The following DGKG variants were observed in gnomAD, a reference collection of about 807,000 sequenced individuals.
DGKG encodes the protein DAG kinase gamma.
In DGKG, 78 loss-of-function variants were observed where a neutral mutation model predicts 105.3. That is an observed-to-expected ratio of 0.74 (90% CI 0.62 to 0.89). DGKG has a LOEUF of 0.89. Among genes scored for constraint, DGKG ranks in the 40% least tolerant of loss-of-function variants. The pLI is 0.00. For missense variants in DGKG, 958 were observed against 1,020.1 expected (o/e 0.94, Z 0.83); for synonymous variants, 346 against 367.1 (o/e 0.94, Z 0.66).
chr3:186,163,894 A>C (rs1716414855), intron 23 of DGKG, among the ~76,000 whole-genome samples: 1 of 152,196 alleles, frequency 6.6e-6, no homozygotes, highest in Non-Finnish European at 1.5e-5. Flanking sequence ...CAGGGACCCC[A>C]TCATGACAAC....
chr3:186,179,756 C>G (rs1717268329), intron 22 of DGKG, among the ~76,000 whole-genome samples: 1 of 152,200 alleles, frequency 6.6e-6, no homozygotes, highest in Admixed American at 6.5e-5. Context: ...CAGCTACTTT[C>G]TGATGTAGAG....
At chr3:186,183,864 C>T (rs1292897015) in intron 22 of DGKG, among the ~76,000 whole-genome samples, 1 of 152,122 alleles carries the variant, frequency 6.6e-6, no homozygotes, top group Non-Finnish European at 1.5e-5. Context: ...GCCACCACAC[C>T]CGGCTAATTT....
In DGKG at chr3:186,298,068, G is replaced by A. The variant is rs763529501; in HGVS notation, c.306C>T (p.Ser102=). The A allele has an allele frequency of 2.4e-5, 38 of 1,608,236 alleles. No homozygotes were observed. The highest frequency in any genetic ancestry group is 1.9e-4 in the South Asian group (17 of 89,832). Residue 102 remains serine (S), a synonymous_variant, in exon 4 of 25, where the codon AGC becomes AGT. Transcript: ENST00000265022. ...TEGASNSEAN[S]ADTNIQNADN... ...CTTGGGGAAAGCTCTGTGTACCTGC[G>A]CTGTTGGCCTCACTGTTGCTGGCTC...
chr3:186,256,670 C>G (rs545837323), intron 17 of DGKG, among the ~76,000 whole-genome samples: 45 of 152,376 alleles, frequency 3.0e-4, no homozygotes, highest in Non-Finnish European at 6.0e-4. Flanking sequence ...CTCGTCACCT[C>G]TGCTTCATCC....
chr3:186,269,534 G>C (rs2108582881), intron 11 of DGKG, among the ~76,000 whole-genome samples: 1 of 152,308 alleles, frequency 6.6e-6, no homozygotes, highest in South Asian at 2.1e-4. Flanking sequence ...TCCTTCCTCA[G>C]CTTTAGCTGC....
chr3:186,277,715 T>C (rs1386797562), intron 9 of DGKG, among the ~76,000 whole-genome samples: 3 of 152,194 alleles, frequency 2.0e-5, no homozygotes, highest in Admixed American at 6.5e-5. Context: ...AGCACCATCA[T>C]GTGGCTCTTT....
chr3:186,327,824 C>G (rs1725422358), intron 1 of DGKG, among the ~76,000 whole-genome samples: 1 of 152,142 alleles, frequency 6.6e-6, no homozygotes, highest in African/African-American at 2.4e-5. Flanking sequence ...AGAGATCTTT[C>G]TCATTTAGAA....
intron 15 of DGKG, among the ~76,000 whole-genome samples, chr3:186,260,990 G>C (rs528850135): frequency 3.3e-5 from 5 of 152,186 alleles, no homozygotes; most frequent in East Asian, 1.9e-4. Context: ...GTTGGGCTGT[G>C]GGGGAGGGAG....
chr3:186,314,525 C>A (rs937596387), intron 2 of DGKG, among the ~76,000 whole-genome samples: 37 of 152,128 alleles, frequency 2.4e-4, no homozygotes, highest in African/African-American at 8.7e-4. Flanking sequence ...GAGGTCGAGG[C>A]GGGTGGATCA....
chr3:186,286,720 A>G lies in DGKG; in HGVS notation c.544+1990T>C, dbSNP rs115658800. ...AAAAGCAAACCAAAATGAAAACTCT[A>G]TATGACCAAGTTTCTGTAACAAAAA... On this transcript the variant is annotated intron_variant, in intron 6 of 24. Transcript: ENST00000265022. 2.6e-3 allele frequency among the ~76,000 whole-genome samples: 391 copies of G among 152,254 alleles called. 2 individuals are homozygous for G. The highest frequency in any genetic ancestry group is 9.0e-3 in the African/African-American group (374 of 41,556).
At chr3:186,256,039 C>T (rs1721452545) in intron 17 of DGKG, among the ~76,000 whole-genome samples, 1 of 152,210 alleles carries the variant, frequency 6.6e-6, no homozygotes, top group Non-Finnish European at 1.5e-5. Flanking sequence ...CCAAAGCCTA[C>T]TTCTCCCTCA....
intron 2 of DGKG, among the ~76,000 whole-genome samples, chr3:186,308,421 T>A (rs1277876252): frequency 6.6e-6 from 1 of 152,194 alleles, no homozygotes; most frequent in African/African-American, 2.4e-5. Flanking sequence ...CCATTATTGT[T>A]GCTATTTAAA....
At chr3:186,348,806 A>G (rs1443890563) in intron 1 of DGKG, among the ~76,000 whole-genome samples, 1 of 152,110 alleles carries the variant, frequency 6.6e-6, no homozygotes, top group Admixed American at 6.6e-5. Flanking sequence ...TATTTCTGAT[A>G]TTTAGTGTTG....
chr3:186,332,070 G>A (rs1042985744), intron 1 of DGKG, among the ~76,000 whole-genome samples: 15 of 152,260 alleles, frequency 9.9e-5, no homozygotes, highest in Admixed American at 7.2e-4. Flanking sequence ...TAAGTGTTGA[G>A]CCTGTGCAGG....
rs543563463 is a variant in DGKG at position 186,245,020 on chromosome 3, A to AG, written c.1762-2453dup. Among the ~76,000 whole-genome samples the AG allele has an allele frequency of 1.5e-4, 22 of 150,700 alleles. No homozygotes were observed. In the East Asian group the frequency reaches 3.7e-3, roughly 25 times the overall value. On this transcript the variant is annotated intron_variant, in intron 19 of 24. Transcript: ENST00000265022. ...AATTTTCGTCTGTCAGGAAAAAAAA[A>AG]GTGGAGGGGGGCGGGGAAGAAAAAA...
chr3:186,177,442 C>G (rs116200309), intron 22 of DGKG, among the ~76,000 whole-genome samples: 2,223 of 152,294 alleles, frequency 0.015, 60 homozygotes, highest in African/African-American at 0.052. Flanking sequence ...CACCTACTAG[C>G]TGCATTGCAT....
intron 1 of DGKG, among the ~76,000 whole-genome samples, chr3:186,342,231 T>TA (rs1726124575): frequency 6.6e-6 from 1 of 152,204 alleles, no homozygotes; most frequent in South Asian, 2.1e-4. Flanking sequence ...ATTGATTTGT[T>TA]ACGGAAATTC....
chr3:186,302,503 T>TATATAC (rs1560143632), intron 3 of DGKG, among the ~76,000 whole-genome samples: 1 of 8,858 alleles, frequency 1.1e-4, no homozygotes, highest in Non-Finnish European at 2.3e-4. Context: ...TATATATATA[T>TATATAC]ATACATATGT....
rs190159462 is a variant in DGKG at position 186,185,072 on chromosome 3, G to C, written c.2095+3130C>G. ...TACAGAAAACTGAGACCCAAGAAGG[G>C]GAAAGGACTTGCCTCAAGTCACACA... is the stretch of plus-strand genomic sequence containing the variant. On this transcript the variant is annotated intron_variant, in intron 22 of 24. Transcript: ENST00000265022. Among the ~76,000 whole-genome samples the C allele has an allele frequency of 9.1e-3, 1,392 of 152,254 alleles. 9 individuals are homozygous for C. Among genetic ancestry groups the C allele is most frequent in the Non-Finnish European group, 0.014 (947 of 68,024 alleles).
Sources: gnomAD v4.1 joint callset for allele counts (sites outside exome capture counted in the v4.1 genomes callset) on GRCh38, gnomAD v4.1.1 for gene constraint, MANE v1.5 for transcripts, NCBI Gene and HGNC (gene_info 2026-07-23, HGNC 2026-07-21) for gene names.